The following CLP1 variants were observed in gnomAD, a reference collection of about 807,000 sequenced individuals.
The protein encoded by CLP1 is cleavage factor polyribonucleotide kinase subunit 1.
CLP1 carries 18 observed loss-of-function variants against 29.9 expected under a neutral mutation model. The observed-to-expected ratio is 0.60, with a 90% CI of 0.42 to 0.89. The LOEUF is 0.89. CLP1 is among the 40% of genes least tolerant of loss of function. CLP1 has a pLI of 0.00. For synonymous variants in CLP1, 162 were observed against 206.2 expected (o/e 0.79, Z 1.84); for missense variants, 357 against 544.8 (o/e 0.66, Z 3.43).
At position 57,660,019 on chromosome 11, in the gene CLP1, G is replaced by C. The variant is rs755593565; in HGVS notation, c.543G>C (p.Gln181His). 3 of 1,611,734 alleles carry C rather than the reference G, an allele frequency of 1.9e-6. No homozygotes were observed. The Admixed American group carries it at 5.0e-5, about 27-fold the overall frequency. The change falls in exon 2 of 3, where the codon CAG (glutamine) becomes CAC (histidine). Residue 181 changes from glutamine (Q) to histidine (H), a missense_variant. Coordinates refer to ENST00000533682, the MANE Select transcript of CLP1 (RefSeq NM_006831.3). The stretch of plus-strand genomic sequence containing the variant: ...ATGTCGAAGAGGGTTTCTCTATCCA[G>C]GCCCCTCTGGTGTATCATTTTGGTT... ...PADVEEGFSI[Q>H]APLVYHFGST...
Position 57,659,453 on chromosome 11 carries a change from A to G in CLP1, c.-22-2A>G. On this transcript the variant is annotated splice_acceptor_variant, in intron 1 of 2. Coordinates refer to ENST00000533682, the MANE Select transcript of CLP1 (RefSeq NM_006831.3). LOFTEE classifies it low-confidence loss of function (5UTR_SPLICE). ...AGATCTGATATTTAATTTGTGTTCT[A>G]GGCACAGCAGCTACACAGAAGAGAT... 1 of 1,613,020 alleles carries G rather than the reference A, an allele frequency of 6.2e-7. No individual in the cohort carries two copies. The highest frequency in any genetic ancestry group is 1.1e-5 in the South Asian group (1 of 91,000).
chr11:57,659,152 C>T (rs1945848783), intron 1 of CLP1, among the ~76,000 whole-genome samples: 6 of 148,078 alleles, frequency 4.1e-5, no homozygotes, highest in African/African-American at 1.5e-4. Context: ...GGCACAATCT[C>T]GGGTCACTGC....
chr11:57,658,624 GTTTAT>G (rs1945843746), intron 1 of CLP1, among the ~76,000 whole-genome samples: 2 of 151,888 alleles, frequency 1.3e-5, no homozygotes, highest in Non-Finnish European at 2.9e-5. Flanking sequence ...TTATTTATTT[GTTTAT>G]TTTATTTTAT....
Position 57,661,071 on chromosome 11 carries a change from T to C in CLP1, c.913T>C (p.Phe305Leu), listed in dbSNP as rs1158147150. 1 of 1,614,218 alleles carries C rather than the reference T, an allele frequency of 6.2e-7. No individual in the cohort carries two copies. Among genetic ancestry groups the C allele is most frequent in the African/African-American group, 1.3e-5 (1 of 75,042 alleles). ...ECRDERIREY[F>L]YGFRGCFYPH... Reference sequence around the variant, plus strand: ...TAGGGATGAGCGTATCCGTGAGTATTTTTATGGATTCCGAGGCTGTTTCTA... The same window carrying C: ...TAGGGATGAGCGTATCCGTGAGTATCTTTATGGATTCCGAGGCTGTTTCTA... Residue 305 changes from phenylalanine to leucine, a missense_variant, in exon 3 of 3, where the codon TTT (phenylalanine) becomes CTT (leucine). Physicochemically the swap from Phe to Leu is conservative, Grantham distance 22. Coordinates refer to ENST00000533682, the MANE Select transcript of CLP1 (RefSeq NM_006831.3).
At position 57,661,797 on chromosome 11, in the gene CLP1, G is replaced by C. The variant is rs1945879657; in HGVS notation, c.*361G>C. 1 of 240,080 alleles carries C rather than the reference G, an allele frequency of 4.2e-6. No individual in the cohort carries two copies. Among genetic ancestry groups the C allele is most frequent in the Non-Finnish European group, 8.0e-6 (1 of 124,474 alleles). The allele number at this position is 240,080 out of a possible 1,614,324, so 14.9% of individuals were successfully genotyped here. On this transcript the variant is annotated 3_prime_UTR_variant, in exon 3 of 3. Transcript: ENST00000533682. ...TTATCTAGGATGAAAGTGTGAATTA[G>C]AGGGACTCCTTCCAATAAAGTTCAA...
intron 1 of CLP1, 63 bp from the exon 2 acceptor site, chr11:57,659,392 T>A (rs1945852015): frequency 2.0e-6 from 3 of 1,486,432 alleles, no homozygotes; most frequent in Admixed American, 3.7e-5. Context: ...CCTGGCCCCA[T>A]TGGATGTTTT....
Position 57,659,508 on chromosome 11 carries a change from C to A in CLP1, c.32C>A (p.Pro11Gln), listed in dbSNP as rs141320814. MGEEANDDKKPTTKFELERET... is the reference protein window; with the variant it reads MGEEANDDKKQTTKFELERET... ...GAAGAGGCTAATGATGACAAGAAGCCAACCACTAAATTTGAACTAGAGCGA... is the reference window on the plus strand; with the variant it reads ...GAAGAGGCTAATGATGACAAGAAGCAAACCACTAAATTTGAACTAGAGCGA... The change falls in exon 2 of 3, where the codon CCA (proline) becomes CAA (glutamine). Residue 11 changes from proline to glutamine, a missense_variant. Coordinates refer to ENST00000533682, the MANE Select transcript of CLP1 (RefSeq NM_006831.3). 3 of 1,614,008 alleles carry A rather than the reference C, an allele frequency of 1.9e-6. No homozygotes were observed. Among genetic ancestry groups the A allele is most frequent in the Non-Finnish European group, 8.5e-7 (1 of 1,180,032 alleles).
rs747553350 is a variant in CLP1 at position 57,660,091 on chromosome 11, C to G, written c.606+9C>G. 6.5e-7 allele frequency: 1 copy of G among 1,544,970 alleles called. No homozygotes were observed. Among genetic ancestry groups the G allele is most frequent in the Non-Finnish European group, 8.7e-7 (1 of 1,144,338 alleles). On this transcript the variant is annotated intron_variant, in intron 2 of 2. Transcript: ENST00000533682. ...TCAAGCTTTATAATAAGGTCAGAGC[C>G]AGAGAAAGGTGGGGTGGAGGGAAGG...
rs1945876027 is a variant in CLP1 at position 57,661,417 on chromosome 11, G to A, written c.1259G>A (p.Arg420Gln). ...PKNFLLIMDI[R>Q]FMDLK ...AACTTCCTTCTCATCATGGATATCC[G>A]GTTCATGGATCTGAAGTAGAGATCA... is the stretch of plus-strand genomic sequence containing the variant. Residue 420 changes from arginine (R) to glutamine (Q), a missense_variant, in exon 3 of 3, where the codon CGG (arginine) becomes CAG (glutamine). Arg to Gln is a conservative substitution (Grantham distance 43, BLOSUM62 1). Coordinates refer to ENST00000533682, the MANE Select transcript of CLP1 (RefSeq NM_006831.3). 6.2e-7 allele frequency: 1 copy of A among 1,610,768 alleles called. No homozygotes were observed.
chr11:57,660,194 C>A, intron 2 of CLP1, 112 bp downstream of exon 2: 2 of 1,159,276 alleles, frequency 1.7e-6, no homozygotes, highest in Non-Finnish European at 2.4e-6. Flanking sequence ...TGCTGCATTA[C>A]TTTAGAAAGG....
intron 1 of CLP1, among the ~76,000 whole-genome samples, chr11:57,658,903 G>A (rs1945846717): frequency 6.6e-6 from 1 of 152,122 alleles, no homozygotes; most frequent in Non-Finnish European, 1.5e-5. Context: ...GCCTCCCAAA[G>A]TGCTGGGATT....
rs142356287 is a variant in CLP1, at chr11:57,659,920, G to A, written c.444G>A (p.Val148=). The change falls in exon 2 of 3, where the codon GTG becomes GTA. Residue 148 remains valine, a synonymous_variant. Coordinates refer to ENST00000533682, the MANE Select transcript of CLP1 (RefSeq NM_006831.3). ...GTTTGGGCCGCCGTCCCACTTATGT[G>A]GAGCTGGATGTGGGCCAGGGTTCTG... ...AVRLGRRPTY[V]ELDVGQGSVS... 4.5e-5 allele frequency: 72 copies of A among 1,614,206 alleles called. No homozygotes were observed. In the African/African-American group the frequency reaches 7.6e-4, roughly 17 times the overall value.
In CLP1 at chr11:57,661,228, C is replaced by G; in HGVS notation, c.1070C>G (p.Pro357Arg). ...CAGCTCAAGCTAGTACCTGTCACTCCTGGGCGAGATATGGTGCACCACCTA... is the reference window on the plus strand; with the variant it reads ...CAGCTCAAGCTAGTACCTGTCACTCGTGGGCGAGATATGGTGCACCACCTA... ...DNQLKLVPVT[P>R]GRDMVHHLLS... Residue 357 changes from proline to arginine, a missense_variant, in exon 3 of 3, where the codon CCT (proline) becomes CGT (arginine). By Grantham distance (103) the Pro-to-Arg change is moderately radical. Transcript: ENST00000533682. The G allele has an allele frequency of 6.2e-7, 1 of 1,614,196 alleles. No individual in the cohort carries two copies. The highest frequency in any genetic ancestry group is 8.5e-7 in the Non-Finnish European group (1 of 1,180,030).
chr11:57,659,786 C>G lies in CLP1; in HGVS notation c.310C>G (p.Arg104Gly), dbSNP rs994445804. Residue 104 changes from arginine to glycine, a missense_variant, in exon 2 of 3, where the codon CGG (arginine) becomes GGG (glycine). Physicochemically the swap from Arg to Gly is moderately radical, Grantham distance 125 (BLOSUM62 -2). Coordinates refer to ENST00000533682, the MANE Select transcript of CLP1 (RefSeq NM_006831.3). ...CACTCACACAGCCTTGGAACAGATG[C>G]GGAGGCAAGCGGAAAAGGAAGAAGA... ...LNTHTALEQM[R>G]RQAEKEEERG... 3 of 1,613,960 alleles carry G rather than the reference C, an allele frequency of 1.9e-6. No homozygotes were observed. The Admixed American group carries it at 5.0e-5, about 27-fold the overall frequency.
At position 57,660,888 on chromosome 11, in the gene CLP1, C is replaced by T. The variant is rs1945870023; in HGVS notation, c.730C>T (p.His244Tyr). The change falls in exon 3 of 3, where the codon CAT becomes TAT. Residue 244 changes from histidine (H) to tyrosine (Y), a missense_variant. Transcript: ENST00000533682. ...GGGCTCTGGTTACCAGGCTCTGGTG[C>T]ATGCAGCCTCAGCTTTTGAGGTGGA... The part of the protein sequence containing the change: ...VKGSGYQALV[H>Y]AASAFEVDVV... 5 of 1,614,194 alleles carry T rather than the reference C, an allele frequency of 3.1e-6. No individual in the cohort carries two copies. The highest frequency in any genetic ancestry group is 4.2e-6 in the Non-Finnish European group (5 of 1,180,040).
Position 57,659,579 on chromosome 11 carries a change from T to G in CLP1, c.103T>G (p.Leu35Val). Residue 35 changes from leucine to valine, a missense_variant, in exon 2 of 3, where the codon TTG becomes GTG. By Grantham distance (32) the Leu-to-Val change is conservative. Coordinates refer to ENST00000533682, the MANE Select transcript of CLP1 (RefSeq NM_006831.3). The stretch of plus-strand genomic sequence containing the variant: ...GGTGGAGGCATCTCAGTCAGTTCAG[T>G]TGGAGTTGTTGACTGGCATGGCAGA... ...FEVEASQSVQ[L>V]ELLTGMAEIF... is the part of the protein sequence containing the mutation. The G allele has an allele frequency of 6.2e-7, 1 of 1,613,982 alleles. No individual in the cohort carries two copies. The highest frequency in any genetic ancestry group is 8.5e-7 in the Non-Finnish European group (1 of 1,179,992).
chr11:57,659,727 T>C lies in CLP1; in HGVS notation c.251T>C (p.Val84Ala). 1 of 1,614,110 alleles carries C rather than the reference T, an allele frequency of 6.2e-7. No homozygotes were observed. Among genetic ancestry groups the C allele is most frequent in the South Asian group, 1.1e-5 (1 of 91,080 alleles). ...AGCGGCCGCACTGAGGTGGCTTATG[T>C]CTCCAAGGACACTCCTATGTTGCTT... ...QLSGRTEVAY[V>A]SKDTPMLLYL... is the part of the protein sequence containing the mutation. The change falls in exon 2 of 3, where the codon GTC becomes GCC. Residue 84 changes from valine (V) to alanine (A), a missense_variant. By Grantham distance (64) the Val-to-Ala change is moderately conservative (BLOSUM62 0). Coordinates refer to ENST00000533682, the MANE Select transcript of CLP1 (RefSeq NM_006831.3).
In CLP1 at chr11:57,661,024, C is replaced by T; in HGVS notation, c.866C>T (p.Ser289Phe). Reference protein sequence around the residue: ...LPKSGGVVERSKDFRRECRDE... With the variant: ...LPKSGGVVERFKDFRRECRDE... ...AAATCTGGGGGTGTGGTGGAGCGCT[C>T]CAAGGACTTCCGGCGGGAATGTAGG... Residue 289 changes from serine to phenylalanine, a missense_variant, in exon 3 of 3, where the codon TCC (serine) becomes TTC (phenylalanine). Transcript: ENST00000533682. 1 of 1,614,204 alleles carries T rather than the reference C, an allele frequency of 6.2e-7. No homozygotes were observed. Among genetic ancestry groups the T allele is most frequent in the Non-Finnish European group, 8.5e-7 (1 of 1,180,044 alleles).
Position 57,661,190 on chromosome 11 carries a change from T to C in CLP1, c.1032T>C (p.Ser344=), listed in dbSNP as rs746830893. Residue 344 remains serine, a synonymous_variant, in exon 3 of 3, where the codon TCT becomes TCC. Transcript: ENST00000533682. The part of the protein sequence containing the change: ...IPDSCLPLGM[S]QEDNQLKLVP... ...ACTCCTGTTTACCTTTGGGCATGTC[T>C]CAAGAGGATAATCAGCTCAAGCTAG... The C allele has an allele frequency of 6.2e-7, 1 of 1,614,088 alleles. No individual in the cohort carries two copies. Among genetic ancestry groups the C allele is most frequent in the East Asian group, 2.2e-5 (1 of 44,898 alleles).
Sources: allele counts gnomAD v4.1 joint callset (sites outside exome capture counted in the v4.1 genomes callset), GRCh38; gene constraint gnomAD v4.1.1; transcripts MANE v1.5; gene names NCBI Gene and HGNC (gene_info 2026-07-23, HGNC 2026-07-21).